The following ZFPM1 variants were observed in gnomAD, a reference collection of about 807,000 sequenced individuals.
ZFPM1 encodes zinc finger protein ZFPM1.
A neutral mutation model predicts 46.3 loss-of-function variants in ZFPM1; 28 were observed. The observed-to-expected ratio is 0.60, with a 90% CI of 0.45 to 0.83. ZFPM1 has a LOEUF of 0.83. Among genes scored for constraint, ZFPM1 ranks in the 40% least tolerant of loss-of-function variants. ZFPM1 has a pLI of 0.00. For missense variants in ZFPM1, 1,878 were observed against 1,432.4 expected (o/e 1.31, Z -5.02); for synonymous variants, 957 against 675.9 (o/e 1.42, Z -6.45).
At chr16:88,532,359 C>A in intron 7 of ZFPM1, 124 bp downstream of exon 7, 2 of 1,074,728 alleles carry the variant, frequency 1.9e-6, no homozygotes, top group Non-Finnish European at 1.3e-6. Context: ...GCGCGGTCTC[C>A]GGCACACCCA....
At chr16:88,516,693 G>C (rs947912696) in intron 4 of ZFPM1, 2 of 398,070 alleles carry the variant, frequency 5.0e-6, no homozygotes, top group Non-Finnish European at 8.9e-6. Context: ...GGCCCCTGTC[G>C]CTCTTGGCTG....
Position 88,453,466 on chromosome 16 carries a change from A to T in ZFPM1, c.-173A>T. On this transcript the variant is annotated 5_prime_UTR_variant, in exon 1 of 10. Transcript: ENST00000319555. ...CCGTGGCCTCTCGGGCCTCCGCGGC[A>T]GCTCCAGCGGCTCCGGGGCTGGGCG... 1 of 170,880 alleles carries T rather than the reference A, an allele frequency of 5.9e-6. No homozygotes were observed. Among genetic ancestry groups the T allele is most frequent in the Non-Finnish European group, 1.1e-5 (1 of 90,832 alleles). The allele number at this position is 170,880 out of a possible 1,614,324, so 10.6% of individuals were successfully genotyped here. A position where few individuals can be genotyped will look rare whatever the true frequency, so the allele number is the denominator to read the frequency against.
chr16:88,460,503 G>C (rs896379919), intron 1 of ZFPM1, among the ~76,000 whole-genome samples: 1 of 152,222 alleles, frequency 6.6e-6, no homozygotes, highest in Non-Finnish European at 1.5e-5. Flanking sequence ...CTCAAGTCCT[G>C]CCCTGGTGCG....
At chr16:88,527,312 C>T (rs1912417174) in intron 5 of ZFPM1, among the ~76,000 whole-genome samples, 1 of 152,214 alleles carries the variant, frequency 6.6e-6, no homozygotes, top group Non-Finnish European at 1.5e-5. Context: ...TCCTCCATGT[C>T]GTCAGGCTGG....
chr16:88,513,665 G>A (rs1315254205), intron 3 of ZFPM1, among the ~76,000 whole-genome samples: 1 of 152,232 alleles, frequency 6.6e-6, no homozygotes, highest in Non-Finnish European at 1.5e-5. Context: ...TGTGTCCTCG[G>A]CTGGGTGCTA....
rs11076644 is a variant in ZFPM1, at chr16:88,536,076, T to C, written c.*1097T>C. On this transcript the variant is annotated 3_prime_UTR_variant, in exon 10 of 10. Coordinates refer to ENST00000319555, the MANE Select transcript of ZFPM1 (RefSeq NM_153813.3). The stretch of plus-strand genomic sequence containing the variant: ...GCTCAAGTGATCTTCCCACCTCAGT[T>C]TCCTCAGTAGCTGGGGCTACAGGTG... 0.91 allele frequency: 138,516 copies of C among 152,012 alleles called. 63,149 individuals are homozygous for C. Among genetic ancestry groups the C allele is most frequent in the East Asian group, 1 (5,159 of 5,180 alleles). 9.4% of individuals were successfully genotyped at this position (152,012 alleles called of 1,614,324 possible). A position where few individuals can be genotyped will look rare whatever the true frequency, so the allele number is the denominator to read the frequency against.
chr16:88,474,577 CG>C (rs1343882163), intron 1 of ZFPM1, among the ~76,000 whole-genome samples: 1 of 152,180 alleles, frequency 6.6e-6, no homozygotes, highest in Non-Finnish European at 1.5e-5. Context: ...CGTCCCACTT[CG>C]GGGGGCGGGG....
intron 1 of ZFPM1, among the ~76,000 whole-genome samples, chr16:88,481,476 C>T (rs1377528314): frequency 2.0e-5 from 3 of 148,278 alleles, no homozygotes; most frequent in East Asian, 2.0e-4. Context: ...GCTCGCAAGT[C>T]GGCCTTGCTG....
chr16:88,534,726 C>G lies in ZFPM1; in HGVS notation c.2768C>G (p.Pro923Arg), dbSNP rs1290665107. The change falls in exon 10 of 10, where the codon CCG becomes CGG. Residue 923 changes from proline (P) to arginine (R), a missense_variant. Pro to Arg is a moderately radical substitution (Grantham distance 103, BLOSUM62 -2). Coordinates refer to ENST00000319555, the MANE Select transcript of ZFPM1 (RefSeq NM_153813.3). ...CGTGGCCCCCGGGACGGCCTCGGCC[C>G]GGAGCCCCAGGAGCCGCCGCCCGGC... ...GSRGPRDGLG[P>R]EPQEPPPGPP... is the part of the protein sequence containing the mutation. 19 of 984,094 alleles carry G rather than the reference C, an allele frequency of 1.9e-5. No individual in the cohort carries two copies. The highest frequency in any genetic ancestry group is 2.3e-5 in the Non-Finnish European group (19 of 829,994). The allele number at this position is 984,094 out of a possible 1,614,324, so 61.0% of individuals were successfully genotyped here.
At chr16:88,492,205 C>A (rs916187194) in intron 3 of ZFPM1, among the ~76,000 whole-genome samples, 1 of 151,992 alleles carries the variant, frequency 6.6e-6, no homozygotes, top group South Asian at 2.1e-4. Flanking sequence ...CTCTCTCTGT[C>A]TCTCTCCATG....
chr16:88,528,096 C>A lies in ZFPM1; in HGVS notation c.570C>A (p.Leu190=). 1 of 1,577,014 alleles carries A rather than the reference C, an allele frequency of 6.3e-7. No homozygotes were observed. The highest frequency in any genetic ancestry group is 1.9e-4 in the Middle Eastern group (1 of 5,364). ...VPAGGLLSVL[L]TAEPHSTPGH... ...CGGGGGGACTCCTGAGCGTGCTCCT[C>A]ACGGCCGAGCCCCACAGCACCCCCG... is the stretch of plus-strand genomic sequence containing the variant. The change falls in exon 6 of 10, where the codon CTC becomes CTA. Residue 190 remains leucine (L), a synonymous_variant. Transcript: ENST00000319555.
At chr16:88,516,065 C>A (rs1597268270) in intron 4 of ZFPM1, 3 of 398,456 alleles carry the variant, frequency 7.5e-6, no homozygotes, top group Non-Finnish European at 1.3e-5. Flanking sequence ...ATCCTCACTT[C>A]CTCCTCCCCG....
upstream of ZFPM1, among the ~76,000 whole-genome samples, chr16:88,453,043 G>A (rs897618022): frequency 1.3e-5 from 2 of 151,422 alleles, no homozygotes; most frequent in African/African-American, 2.4e-5. Context: ...GGGCCGCAGC[G>A]CTGGGGTCGG....
chr16:88,501,436 G>T lies in ZFPM1; in HGVS notation c.268+12283G>T, dbSNP rs77357898. Among the ~76,000 whole-genome samples, 61 of 59,996 alleles carry T rather than the reference G, an allele frequency of 1.0e-3. 2 individuals are homozygous for T. The highest frequency in any genetic ancestry group is 2.2e-3 in the African/African-American group (25 of 11,396). The allele number at this position is 59,996 out of a possible 152,430, so 39.4% of individuals were successfully genotyped here. Reference sequence around the variant, plus strand: ...GATGGAGATAGCAGACATGGATGCGGGGGCCATCCCGCAGGTGCTGGTGAT... The same window carrying T: ...GATGGAGATAGCAGACATGGATGCGTGGGCCATCCCGCAGGTGCTGGTGAT... On this transcript the variant is annotated intron_variant, in intron 3 of 9. Coordinates refer to ENST00000319555, the MANE Select transcript of ZFPM1 (RefSeq NM_153813.3).
chr16:88,462,803 C>A (rs1330855375), intron 1 of ZFPM1, among the ~76,000 whole-genome samples: 2 of 151,790 alleles, frequency 1.3e-5, no homozygotes, highest in African/African-American at 4.8e-5. Context: ...GGTCTTCGTG[C>A]AAGTCACTCA....
At chr16:88,506,481 A>T (rs1391067441) in intron 3 of ZFPM1, among the ~76,000 whole-genome samples, 2 of 147,174 alleles carry the variant, frequency 1.4e-5, no homozygotes, top group African/African-American at 5.0e-5. Context: ...AACACAGAAT[A>T]ATCCAGAAAG....
chr16:88,526,851 G>C lies in ZFPM1; in HGVS notation c.440G>C (p.Cys147Ser). 1 of 1,563,314 alleles carries C rather than the reference G, an allele frequency of 6.4e-7. No individual in the cohort carries two copies. The highest frequency in any genetic ancestry group is 8.7e-7 in the Non-Finnish European group (1 of 1,154,206). The change falls in exon 5 of 10, where the codon TGC becomes TCC. Residue 147 changes from cysteine (C) to serine (S), a missense_variant. Cys to Ser is a moderately radical substitution (Grantham distance 112). Coordinates refer to ENST00000319555, the MANE Select transcript of ZFPM1 (RefSeq NM_153813.3). ...ALTLLLVDEA[C>S]WLRTLPQALT... ...ACCCTGCTGCTGGTGGACGAGGCCTGCTGGCTGAGGACGCTGCCCCAGGCC... is the reference window on the plus strand; with the variant it reads ...ACCCTGCTGCTGGTGGACGAGGCCTCCTGGCTGAGGACGCTGCCCCAGGCC...
In ZFPM1 at chr16:88,494,751, T is replaced by A. The variant is rs553761197; in HGVS notation, c.268+5598T>A. Among the ~76,000 whole-genome samples the A allele has an allele frequency of 2.3e-3, 348 of 150,920 alleles. 3 individuals are homozygous for A. The highest frequency in any genetic ancestry group is 3.4e-3 in the Middle Eastern group (1 of 294). On this transcript the variant is annotated intron_variant, in intron 3 of 9. Transcript: ENST00000319555. ...CTGGGCCTGTGGCCTTGGACTCCAGTGAGGCAGCAGGAGGAGCCGGCAGGA... is the reference window on the plus strand; with the variant it reads ...CTGGGCCTGTGGCCTTGGACTCCAGAGAGGCAGCAGGAGGAGCCGGCAGGA...
At chr16:88,463,895 C>T (rs1908010457) in intron 1 of ZFPM1, among the ~76,000 whole-genome samples, 2 of 152,222 alleles carry the variant, frequency 1.3e-5, no homozygotes. Flanking sequence ...GCCAAGGTGG[C>T]CACTGCAGGG....
Sources: gnomAD v4.1 joint callset for allele counts (sites outside exome capture counted in the v4.1 genomes callset) on GRCh38, gnomAD v4.1.1 for gene constraint, MANE v1.5 for transcripts, NCBI Gene and HGNC (gene_info 2026-07-23, HGNC 2026-07-21) for gene names.